The following DAAM2 variants were observed in gnomAD, a reference collection of about 807,000 sequenced individuals.
DAAM2 encodes disheveled-associated activator of morphogenesis 2.
DAAM2 carries 39 observed loss-of-function variants against 120.7 expected under a neutral mutation model. The ratio of observed to expected loss-of-function variants is 0.32; its 90% CI spans 0.25 to 0.42. The LOEUF (loss-of-function observed/expected upper bound fraction) is 0.42, where lower values mean the gene tolerates loss of function less well. Among genes scored for constraint, DAAM2 ranks in the 10% least tolerant of loss-of-function variants. The pLI is 1.00. For missense variants in DAAM2, 1,283 were observed against 1,401.7 expected (o/e 0.92, Z 1.35); for synonymous variants, 488 against 524.9 (o/e 0.93, Z 0.96).
chr6:39,833,884 C>T (rs1207589110), intron 1 of DAAM2, among the ~76,000 whole-genome samples: 2 of 152,198 alleles, frequency 1.3e-5, no homozygotes, highest in African/African-American at 4.8e-5. Flanking sequence ...CAGGGCTATG[C>T]CTGAATTCTC....
At chr6:39,896,181 T>A (rs1766073786) in intron 19 of DAAM2, among the ~76,000 whole-genome samples, 1 of 147,870 alleles carries the variant, frequency 6.8e-6, no homozygotes, top group African/African-American at 2.5e-5. Flanking sequence ...ATGGAAAGAA[T>A]ATCTGAATAA....
intron 11 of DAAM2, among the ~76,000 whole-genome samples, 160 bp downstream of exon 11, chr6:39,875,628 A>C (rs927439239): frequency 6.6e-6 from 1 of 152,202 alleles, no homozygotes; most frequent in African/African-American, 2.4e-5. Context: ...CTAATGAAAA[A>C]AGTGCATTTC....
intron 1 of DAAM2, among the ~76,000 whole-genome samples, chr6:39,855,788 C>A (rs1490153051): frequency 3.9e-5 from 6 of 152,220 alleles, no homozygotes; most frequent in Non-Finnish European, 5.9e-5. Context: ...CAACTCTTTC[C>A]TCCCCATTGG....
chr6:39,886,078 G>A (rs993697927), intron 15 of DAAM2: 12 of 248,506 alleles, frequency 4.8e-5, no homozygotes, highest in African/African-American at 1.8e-4. Context: ...CTCTCTGCAG[G>A]TTTTCAGCAG....
chr6:39,870,084 T>C (rs527468161), intron 7 of DAAM2, among the ~76,000 whole-genome samples: 7 of 152,300 alleles, frequency 4.6e-5, no homozygotes, highest in African/African-American at 1.7e-4. Flanking sequence ...TCTTTGGTGC[T>C]GAAGGCTAGA....
rs181146352 is a variant in DAAM2, at chr6:39,827,193, G to C, written c.-56-29054G>C. On this transcript the variant is annotated intron_variant, in intron 1 of 24. Coordinates refer to ENST00000274867, the MANE Select transcript of DAAM2 (RefSeq NM_001201427.2). ...TTCTGTGCTGTGAATTCGAAAATTG[G>C]GTTCTAGACATGGCTGTGGCATGAG... 4.6e-5 allele frequency among the ~76,000 whole-genome samples: 7 copies of C among 152,294 alleles called. No individual in the cohort carries two copies. The East Asian group carries it at 1.2e-3, about 25-fold the overall frequency.
intron 1 of DAAM2, among the ~76,000 whole-genome samples, chr6:39,830,387 G>A (rs1762834924): frequency 1.3e-5 from 2 of 152,170 alleles, no homozygotes; most frequent in Admixed American, 1.3e-4. Flanking sequence ...CTCTGTGACT[G>A]TCATTCCACG....
In DAAM2 at chr6:39,878,968, T is replaced by C. The variant is rs369913618; in HGVS notation, c.1546-210T>C. Among the ~76,000 whole-genome samples the C allele has an allele frequency of 5.9e-5, 9 of 152,210 alleles. No individual in the cohort carries two copies. The South Asian group carries it at 1.5e-3, about 25-fold the overall frequency. ...GTCCAGTGTCCGTGTGCGTGACGTG[T>C]GTGTGTCTGTGGTGGTGGTGTGTGT... On this transcript the variant is annotated intron_variant, in intron 13 of 24. Coordinates refer to ENST00000274867, the MANE Select transcript of DAAM2 (RefSeq NM_001201427.2). This position sits in a 1 kb window ranked among gnomAD's most constrained non-coding sequence, Gnocchi z 5.0.
chr6:39,903,809 GGTGT>G lies in DAAM2; in HGVS notation c.*1781_*1784del. 5.1e-6 allele frequency: 1 copy of G among 197,416 alleles called. No individual in the cohort carries two copies. The highest frequency in any genetic ancestry group is 1.0e-5 in the Non-Finnish European group (1 of 95,926). 12.2% of individuals were successfully genotyped at this position (197,416 alleles called of 1,614,324 possible). ...TGTGCGTTGGTTTGAGGGGGCGGGC[GGTGT>G]GTGTGTGTTCTGGTGGGAGGGATCT... On this transcript the variant is annotated 3_prime_UTR_variant, in exon 25 of 25. Coordinates refer to ENST00000274867, the MANE Select transcript of DAAM2 (RefSeq NM_001201427.2).
At chr6:39,808,255 G>A (rs1762065739) in intron 1 of DAAM2, among the ~76,000 whole-genome samples, 1 of 152,128 alleles carries the variant, frequency 6.6e-6, no homozygotes. Flanking sequence ...TTCCCACACA[G>A]CAAATTCTGG....
chr6:39,858,666 T>G (rs2149288095), intron 2 of DAAM2, among the ~76,000 whole-genome samples: 1 of 152,300 alleles, frequency 6.6e-6, no homozygotes, highest in Middle Eastern at 3.4e-3. Context: ...CATTACATAC[T>G]TAGAACAGTG....
rs192442160 is a variant in DAAM2, at chr6:39,810,116, G to A, written c.-57+17651G>A. 1.9e-4 allele frequency among the ~76,000 whole-genome samples: 29 copies of A among 152,298 alleles called. No individual in the cohort carries two copies. The East Asian group carries it at 5.2e-3, about 27-fold the overall frequency. On this transcript the variant is annotated intron_variant, in intron 1 of 24. Coordinates refer to ENST00000274867, the MANE Select transcript of DAAM2 (RefSeq NM_001201427.2). ...TTCCAGTCTCTTTAATAAGCTTCTC[G>A]GAAAGTCCTGGCCATACACATCAAA...
Position 39,904,051 on chromosome 6 carries a change from T to A in DAAM2, c.*2014T>A. 1 of 380,138 alleles carries A rather than the reference T, an allele frequency of 2.6e-6. No homozygotes were observed. The highest frequency in any genetic ancestry group is 2.0e-5 in the South Asian group (1 of 49,478). The allele number at this position is 380,138 out of a possible 1,614,324, so 23.5% of individuals were successfully genotyped here. ...TCCTCTCCCAAACTGACCAGGCTGA[T>A]GTCAACCTAACCCCCTCAGGGGCAG... is the stretch of plus-strand genomic sequence containing the variant. On this transcript the variant is annotated 3_prime_UTR_variant, in exon 25 of 25. Transcript: ENST00000274867.
intron 1 of DAAM2, among the ~76,000 whole-genome samples, chr6:39,817,376 G>C (rs1228393411): frequency 6.6e-6 from 1 of 152,182 alleles, no homozygotes; most frequent in East Asian, 1.9e-4. Flanking sequence ...AACAACAAAG[G>C]TGTATTTCTT....
chr6:39,865,147 G>A, intron 5 of DAAM2, 73 bp downstream of exon 5: 1 of 891,072 alleles, frequency 1.1e-6, no homozygotes, highest in African/African-American at 1.7e-5. Context: ...CCGAAGCCCT[G>A]TGCAGTGCTC....
intron 3 of DAAM2, chr6:39,861,448 G>A (rs909663747): frequency 4.0e-5 from 13 of 324,288 alleles, no homozygotes; most frequent in African/African-American, 1.1e-4. Context: ...TCACACATCT[G>A]TCCATGTTCT....
At chr6:39,800,587 G>A (rs1490405476) in intron 1 of DAAM2, among the ~76,000 whole-genome samples, 1 of 152,162 alleles carries the variant, frequency 6.6e-6, no homozygotes. Flanking sequence ...TGAGGACTGA[G>A]TCCCCAGCTG....
intron 20 of DAAM2, 23 bp from the exon 21 acceptor site, chr6:39,897,152 A>G (rs1454242310): frequency 1.3e-6 from 2 of 1,589,612 alleles, no homozygotes; most frequent in East Asian, 2.2e-5. Flanking sequence ...GTCACTTACC[A>G]CTGACCTGAC....
rs540056105 is a variant in DAAM2 at position 39,902,278 on chromosome 6, T to G, written c.*241T>G. 4.9e-6 allele frequency: 2 copies of G among 410,360 alleles called. No homozygotes were observed. The highest frequency in any genetic ancestry group is 8.5e-5 in the Admixed American group (2 of 23,620). The allele number at this position is 410,360 out of a possible 1,614,324, so 25.4% of individuals were successfully genotyped here. On this transcript the variant is annotated 3_prime_UTR_variant, in exon 25 of 25. Transcript: ENST00000274867. ...CTGGCCCCAGGTATTATTCTGAGGC[T>G]GCCTTGGATGGCCTCAGGCCAGGTA...
Sources: gnomAD v4.1 joint callset for allele counts (sites outside exome capture counted in the v4.1 genomes callset) on GRCh38, gnomAD v4.1.1 for gene constraint, Gnocchi (gnomAD v3.1) non-coding constraint, MANE v1.5 for transcripts, NCBI Gene and HGNC (gene_info 2026-07-23, HGNC 2026-07-21) for gene names.